Variants in RELN observed in about 807,000 individuals in gnomAD.
RELN encodes reelin.
Under a neutral mutation model 427.6 loss-of-function variants are expected in RELN, and 108 were observed. That is an observed-to-expected ratio of 0.25 (90% CI 0.22 to 0.30). The LOEUF (loss-of-function observed/expected upper bound fraction) is 0.30. Among genes scored for constraint, RELN ranks in the 10% least tolerant of loss-of-function variants. The pLI is 1.00. For missense variants in RELN, 3,715 were observed against 4,302.8 expected, an observed-to-expected ratio of 0.86 and a Z score of 3.82; for synonymous variants, 1,524 against 1,513.4, an observed-to-expected ratio of 1.01 and a Z score of -0.16.
intron 2 of RELN, among the ~76,000 whole-genome samples, chr7:103,839,303 C>CTTTTTTTTTT (rs34244913): frequency 2.5e-5 from 3 of 121,200 alleles, no homozygotes; most frequent in African/African-American, 6.2e-5. Flanking sequence ...GTGGTCTTTG[C>CTTTTTTTTTT]TTTTTTTTTT....
intron 1 of RELN, among the ~76,000 whole-genome samples, chr7:103,958,850 C>A (rs1453496786): frequency 6.6e-6 from 1 of 152,142 alleles, no homozygotes; most frequent in Non-Finnish European, 1.5e-5. Flanking sequence ...TCTAGGCCAA[C>A]AAAGTGAGGT....
chr7:103,773,158 TTCTTTC>T (rs1465071342), intron 4 of RELN, among the ~76,000 whole-genome samples: 13 of 141,048 alleles, frequency 9.2e-5, no homozygotes, highest in African/African-American at 3.6e-4. Flanking sequence ...CTTTCTTTCT[TTCTTTC>T]TTTTTCTTTC....
In RELN at chr7:103,883,973, C is replaced by T. The variant is rs78592286; in HGVS notation, c.337+33102G>A. On this transcript the variant is annotated intron_variant, in intron 2 of 64. Transcript: ENST00000428762. ...GAACCAAAAAAAGTCCATATAGCCA[C>T]GACAATCCTAAGCAAAAAGAGCAAT... Among the ~76,000 whole-genome samples, 9 of 152,028 alleles carry T rather than the reference C, an allele frequency of 5.9e-5. No homozygotes were observed. In the South Asian group the frequency reaches 6.2e-4, roughly 11 times the overall value.
At chr7:103,727,428 T>C (rs146671608) in intron 7 of RELN, among the ~76,000 whole-genome samples, 160 of 152,288 alleles carry the variant, frequency 1.1e-3, no homozygotes, top group African/African-American at 3.8e-3. Context: ...GTAGTCTTCA[T>C]GCCAGAAATA....
At chr7:103,735,041 A>G (rs1386819165) in intron 6 of RELN, among the ~76,000 whole-genome samples, 2 of 152,146 alleles carry the variant, frequency 1.3e-5, no homozygotes, top group African/African-American at 4.8e-5. Flanking sequence ...ATCACAATCT[A>G]TTTTATATGT....
intron 4 of RELN, among the ~76,000 whole-genome samples, chr7:103,771,215 C>T (rs1477404293): frequency 6.6e-6 from 1 of 151,650 alleles, no homozygotes; most frequent in African/African-American, 2.4e-5. Context: ...CCACGCCCAG[C>T]CCAAATTGCC....
At chr7:103,747,542 A>G (rs1181119762) in intron 6 of RELN, among the ~76,000 whole-genome samples, 2 of 151,950 alleles carry the variant, frequency 1.3e-5, no homozygotes, top group African/African-American at 4.8e-5. Flanking sequence ...CTTGGTGAAG[A>G]GTCAAACCAG....
chr7:103,919,973 G>A (rs562819107), intron 1 of RELN, among the ~76,000 whole-genome samples: 205 of 152,312 alleles, frequency 1.3e-3, no homozygotes, highest in Admixed American at 4.6e-3. Context: ...GCCCATTGAT[G>A]AAGCTGTTTA....
chr7:103,806,402 G>A (rs1180608346), intron 3 of RELN, among the ~76,000 whole-genome samples: 1 of 152,004 alleles, frequency 6.6e-6, no homozygotes, highest in Non-Finnish European at 1.5e-5. Context: ...TCAGCTCACT[G>A]CAACCTCCAC....
rs1480876242 is a variant in RELN, at chr7:103,486,292, C to T, written c.9888G>A (p.Gly3296=). Residue 3296 remains glycine (G), a synonymous_variant, in exon 61 of 65, where the codon GGG becomes GGA. Coordinates refer to ENST00000428762, the MANE Select transcript of RELN (RefSeq NM_005045.4). ...IQGGVIGSGC[G]QLAPYAHGDS... Reference sequence around the variant, plus strand: ...CTCCATGGGCGTAGGGGGCCAGCTGCCCACAGCCACTTCCTATGACTCCAC... The same window carrying T: ...CTCCATGGGCGTAGGGGGCCAGCTGTCCACAGCCACTTCCTATGACTCCAC... 5 of 1,614,030 alleles carry T rather than the reference C, an allele frequency of 3.1e-6. No individual in the cohort carries two copies. Among genetic ancestry groups the T allele is most frequent in the Middle Eastern group, 1.6e-4 (1 of 6,082 alleles).
chr7:103,825,974 G>A (rs1175081778), intron 3 of RELN, among the ~76,000 whole-genome samples: 3 of 152,002 alleles, frequency 2.0e-5, no homozygotes, highest in Non-Finnish European at 4.4e-5. Context: ...TGAGAGGTAG[G>A]ACCTTTAAGA....
At chr7:103,828,859 A>C (rs907544835) in intron 3 of RELN, among the ~76,000 whole-genome samples, 2 of 151,956 alleles carry the variant, frequency 1.3e-5, no homozygotes, top group Non-Finnish European at 2.9e-5. Flanking sequence ...AAAGTTAGAG[A>C]GATTCCGATG....
At chr7:103,861,690 T>C (rs956232146) in intron 2 of RELN, among the ~76,000 whole-genome samples, 1 of 152,172 alleles carries the variant, frequency 6.6e-6, no homozygotes, top group Non-Finnish European at 1.5e-5. Context: ...AATAGGTCAT[T>C]GGATTTGGCT....
At chr7:103,553,907 C>A in intron 38 of RELN, 76 bp from the exon 39 acceptor site, 3 of 1,286,968 alleles carry the variant, frequency 2.3e-6, no homozygotes, top group Non-Finnish European at 3.4e-6. Context: ...TGAAAGAAAG[C>A]AAAGGACAAA....
At chr7:103,975,748 G>A (rs1291242883) in intron 1 of RELN, among the ~76,000 whole-genome samples, 1 of 146,560 alleles carries the variant, frequency 6.8e-6, no homozygotes, top group Non-Finnish European at 1.5e-5. Flanking sequence ...TAGTAGAGAC[G>A]TGTTAGCCAG....
chr7:103,535,219 C>T (rs1373948740), intron 46 of RELN, 97 bp downstream of exon 46: 6 of 1,172,368 alleles, frequency 5.1e-6, no homozygotes, highest in Admixed American at 3.6e-5. Context: ...ATTAACAAAA[C>T]CCTCACATAT....
At chr7:103,511,895 T>C (rs1562863332) in intron 50 of RELN, among the ~76,000 whole-genome samples, 1 of 152,168 alleles carries the variant, frequency 6.6e-6, no homozygotes, top group Non-Finnish European at 1.5e-5. Flanking sequence ...TCTGGAAATA[T>C]GCACAACCCA....
intron 36 of RELN, 68 bp downstream of exon 36, chr7:103,561,464 T>A: frequency 1.7e-6 from 2 of 1,170,266 alleles, no homozygotes; most frequent in East Asian, 2.3e-5. Flanking sequence ...TCCATTTGTG[T>A]TGAGCAGTGA....
At chr7:103,930,857 G>T (rs973559091) in intron 1 of RELN, among the ~76,000 whole-genome samples, 7 of 133,846 alleles carry the variant, frequency 5.2e-5, no homozygotes, top group African/African-American at 1.6e-4. Context: ...ATGCTTCTTG[G>T]GTGTGAGCAT....
Sources: gnomAD v4.1 joint callset for allele counts (sites outside exome capture counted in the v4.1 genomes callset) on GRCh38, gnomAD v4.1.1 for gene constraint, MANE v1.5 for transcripts, NCBI Gene and HGNC (gene_info 2026-07-23, HGNC 2026-07-21) for gene names.